Variants in CADM2 observed in about 807,000 individuals in gnomAD.
CADM2 encodes immunoglobulin superfamily member 4D.
CADM2 carries 12 observed loss-of-function variants against 49.8 expected under a neutral mutation model. The ratio of observed to expected loss-of-function variants is 0.24; its 90% CI spans 0.15 to 0.39. CADM2 has a LOEUF of 0.39. Ranked by LOEUF, CADM2 falls within the 10% of genes least tolerant of loss-of-function variation. CADM2 has a pLI of 1.00. For synonymous variants in CADM2, 214 were observed against 175.4 expected, an observed-to-expected ratio of 1.22 and a Z score of -1.74; for missense variants, 378 against 492.3, an observed-to-expected ratio of 0.77 and a Z score of 2.20.
chr3:85,424,755 G>GTTT (rs2036324269), intron 1 of CADM2, among the ~76,000 whole-genome samples: 1 of 152,150 alleles, frequency 6.6e-6, no homozygotes, highest in Admixed American at 6.5e-5. Context: ...GATTTCATAT[G>GTTT]ATTTCTAATG....
Position 85,568,397 on chromosome 3 carries a change from C to CTCTTTCTTTCTTTCTTTCTT in CADM2, c.62-158077_62-158058dup, listed in dbSNP as rs71108298. Among the ~76,000 whole-genome samples, 35 of 52,090 alleles carry CTCTTTCTTTCTTTCTTTCTT rather than the reference C, an allele frequency of 6.7e-4. 2 individuals carry two copies. The highest frequency in any genetic ancestry group is 1.3e-3 in the Admixed American group (6 of 4,544). The allele number at this position is 52,090 out of a possible 152,430, so 34.2% of individuals were successfully genotyped here. On this transcript the variant is annotated intron_variant, in intron 1 of 9. Transcript: ENST00000383699. ...GTTACCTACAATCTTTCCTTCCTCCCTCTTTCTTTCTTTCTTTCTTTCTTT... is the reference window on the plus strand; with the variant it reads ...GTTACCTACAATCTTTCCTTCCTCCCTCTTTCTTTCTTTCTTTCTTTCTTTCTTTCTTTCTTTCTTTCTTT...
At chr3:85,441,192 T>C (rs769907971) in intron 1 of CADM2, among the ~76,000 whole-genome samples, 1 of 151,946 alleles carries the variant, frequency 6.6e-6, no homozygotes, top group South Asian at 2.1e-4. Context: ...ATAATTTTTG[T>C]AGTAATTAAA....
chr3:85,318,806 A>C (rs951888851), intron 1 of CADM2, among the ~76,000 whole-genome samples: 5 of 152,196 alleles, frequency 3.3e-5, no homozygotes, highest in African/African-American at 4.8e-5. Flanking sequence ...CTAATTTAGC[A>C]AGTAAGGTCA....
At chr3:86,025,094 C>T (rs893676593) in intron 8 of CADM2, among the ~76,000 whole-genome samples, 2 of 151,284 alleles carry the variant, frequency 1.3e-5, no homozygotes, top group Admixed American at 6.6e-5. Context: ...CTCTCTCTGT[C>T]GCCCAGGCCA....
At chr3:85,491,267 CAGCTG>C (rs2039657482) in intron 1 of CADM2, among the ~76,000 whole-genome samples, 1 of 152,058 alleles carries the variant, frequency 6.6e-6, no homozygotes, top group African/African-American at 2.4e-5. Flanking sequence ...AGTTATATGA[CAGCTG>C]AGAGATAAAT....
chr3:86,052,267 T>C (rs570124615), intron 8 of CADM2, among the ~76,000 whole-genome samples: 10 of 152,280 alleles, frequency 6.6e-5, no homozygotes, highest in African/African-American at 2.4e-4. Flanking sequence ...ATTCCTTAAG[T>C]AGAGGAAAGC....
chr3:86,032,467 A>G (rs1419842459), intron 8 of CADM2, among the ~76,000 whole-genome samples: 1 of 151,908 alleles, frequency 6.6e-6, no homozygotes, highest in African/African-American at 2.4e-5. Flanking sequence ...AGCAATAGCT[A>G]AAAGAAAACC....
chr3:84,962,374 C>A (rs1206685687), intron 1 of CADM2, among the ~76,000 whole-genome samples: 1 of 151,392 alleles, frequency 6.6e-6, no homozygotes, highest in Admixed American at 6.6e-5. Context: ...AACACTGCTC[C>A]ACAGACACAT....
chr3:85,778,886 A>G (rs960045381), intron 2 of CADM2, among the ~76,000 whole-genome samples: 2 of 152,024 alleles, frequency 1.3e-5, no homozygotes, highest in African/African-American at 4.8e-5. Context: ...TTAAAGACAC[A>G]CTCTTCATAC....
At chr3:85,475,301 T>G (rs2038933017) in intron 1 of CADM2, among the ~76,000 whole-genome samples, 1 of 151,996 alleles carries the variant, frequency 6.6e-6, no homozygotes, top group African/African-American at 2.4e-5. Context: ...TGTGTGCATC[T>G]GGCTAGTGTG....
At chr3:85,875,125 C>G (rs568474690) in intron 3 of CADM2, among the ~76,000 whole-genome samples, 6 of 152,096 alleles carry the variant, frequency 3.9e-5, no homozygotes, top group Non-Finnish European at 8.8e-5. Flanking sequence ...CAATGGTTGT[C>G]TTTACCAATT....
intron 1 of CADM2, among the ~76,000 whole-genome samples, chr3:85,695,630 ATAC>A (rs2066528238): frequency 6.6e-6 from 1 of 152,016 alleles, no homozygotes; most frequent in Non-Finnish European, 1.5e-5. Flanking sequence ...ACTTACATAC[ATAC>A]TACATTTTCT....
At chr3:85,811,863 T>TG (rs992787906) in intron 3 of CADM2, among the ~76,000 whole-genome samples, 5 of 151,860 alleles carry the variant, frequency 3.3e-5, no homozygotes, top group South Asian at 2.1e-4. Context: ...TGATGTTTTT[T>TG]TTTTTTTTTT....
intron 1 of CADM2, among the ~76,000 whole-genome samples, chr3:85,169,862 A>G (rs2040572582): frequency 6.6e-6 from 1 of 152,244 alleles, no homozygotes; most frequent in Non-Finnish European, 1.5e-5. Context: ...CAGTATACTG[A>G]GAAAACAGCT....
chr3:85,061,041 A>G (rs2036289717), intron 1 of CADM2, among the ~76,000 whole-genome samples: 1 of 152,174 alleles, frequency 6.6e-6, no homozygotes, highest in East Asian at 1.9e-4. Flanking sequence ...AATAATGATA[A>G]CAAAGACTCC....
At chr3:85,678,412 T>C (rs1488545092) in intron 1 of CADM2, among the ~76,000 whole-genome samples, 1 of 152,196 alleles carries the variant, frequency 6.6e-6, no homozygotes, top group African/African-American at 2.4e-5. Context: ...GCAGTGGCTT[T>C]CAACTAGCAC....
chr3:85,065,972 A>C (rs2036513995), intron 1 of CADM2, among the ~76,000 whole-genome samples: 1 of 152,228 alleles, frequency 6.6e-6, no homozygotes, highest in Non-Finnish European at 1.5e-5. Context: ...AATTAAAAAC[A>C]ACAGCCATGT....
intron 1 of CADM2, among the ~76,000 whole-genome samples, chr3:85,223,287 G>T (rs1576155436): frequency 6.6e-6 from 1 of 152,242 alleles, no homozygotes; most frequent in East Asian, 1.9e-4. Flanking sequence ...TATACTCTGT[G>T]GGGAAGATAT....
intron 1 of CADM2, among the ~76,000 whole-genome samples, chr3:85,543,281 G>T (rs2061586899): frequency 1.4e-5 from 2 of 142,568 alleles, no homozygotes. Flanking sequence ...TGGAGACAGA[G>T]TCTTGCCCCG....
Sources: gnomAD v4.1 joint callset for allele counts (sites outside exome capture counted in the v4.1 genomes callset) on GRCh38, gnomAD v4.1.1 for gene constraint, MANE v1.5 for transcripts, NCBI Gene and HGNC (gene_info 2026-07-23, HGNC 2026-07-21) for gene names.